The following PKHD1 variants were observed in gnomAD, a reference collection of about 807,000 sequenced individuals.
PKHD1 encodes the protein fibrocystin.
PKHD1 carries 291 observed loss-of-function variants against 412.0 expected under a neutral mutation model. That is an observed-to-expected ratio of 0.71 (90% CI 0.64 to 0.78). The LOEUF (loss-of-function observed/expected upper bound fraction) is 0.78, where lower values mean the gene tolerates loss of function less well. PKHD1 is among the 30% of genes least tolerant of loss of function. The probability of loss-of-function intolerance (pLI) is 0.00; values close to 1 mark genes in which losing one functional copy is unlikely to be tolerated. For synonymous variants in PKHD1, 1,777 were observed against 1,821.5 expected, an observed-to-expected ratio of 0.98 and a Z score of 0.62; for missense variants, 4,825 against 4,950.7, an observed-to-expected ratio of 0.97 and a Z score of 0.76.
At position 52,010,474 on chromosome 6, in the gene PKHD1, G is replaced by A. The variant is rs753261928; in HGVS notation, c.5601-15C>T. On this transcript the variant is annotated splice_polypyrimidine_tract_variant and intron_variant, in intron 34 of 66. Coordinates refer to ENST00000371117, the MANE Select transcript of PKHD1 (RefSeq NM_138694.4). ...CCAATTTAGGGCTGAAACGAGAGGG[G>A]AGGTTAAATGGGGTGTCATCAATCT... 3 of 1,547,638 alleles carry A rather than the reference G, an allele frequency of 1.9e-6. No homozygotes were observed. The highest frequency in any genetic ancestry group is 2.7e-6 in the Non-Finnish European group (3 of 1,119,646).
chr6:51,885,594 T>C (rs1264035651), intron 45 of PKHD1, among the ~76,000 whole-genome samples: 1 of 152,190 alleles, frequency 6.6e-6, no homozygotes, highest in Non-Finnish European at 1.5e-5. Context: ...TATAAATCTT[T>C]ATGATTCTGT....
At position 51,748,341 on chromosome 6, in the gene PKHD1, T is replaced by C. The variant is rs764184365; in HGVS notation, c.9275A>G (p.His3092Arg). 16 of 1,613,994 alleles carry C rather than the reference T, an allele frequency of 9.9e-6. No individual in the cohort carries two copies. Among genetic ancestry groups the C allele is most frequent in the Non-Finnish European group, 1.4e-5 (16 of 1,179,978 alleles). The change falls in exon 58 of 67, where the codon CAT (histidine) becomes CGT (arginine). Residue 3092 changes from histidine (H) to arginine (R), a missense_variant. By Grantham distance (29) the His-to-Arg change is conservative (BLOSUM62 0). Transcript: ENST00000371117. ...KVNQVKDINL[H>R]GNVVAGSERL... is the part of the protein sequence containing the mutation. Reference sequence around the variant, plus strand: ...CTCTGATCCTGCCACAACGTTGCCATGGAGGTTGATGTCCTTTACCTGGTT... The same window carrying C: ...CTCTGATCCTGCCACAACGTTGCCACGGAGGTTGATGTCCTTTACCTGGTT...
rs577962249 is a variant in PKHD1, at chr6:51,618,122, CCT to C, written c.*957_*958del. 6.6e-5 allele frequency: 10 copies of C among 152,258 alleles called. No individual in the cohort carries two copies. The East Asian group carries it at 1.9e-3, about 29-fold the overall frequency. The allele number at this position is 152,258 out of a possible 1,614,324, so 9.4% of individuals were successfully genotyped here. ...ACCAAATGTATCAATACCAGGTGAG[CCT>C]TTGTTCTGATCTCCATTTAAACCCC... On this transcript the variant is annotated 3_prime_UTR_variant, in exon 67 of 67. Coordinates refer to ENST00000371117, the MANE Select transcript of PKHD1 (RefSeq NM_138694.4).
At chr6:52,010,228 A>G in intron 35 of PKHD1, 81 bp downstream of exon 35, 4 of 1,270,228 alleles carry the variant, frequency 3.1e-6, no homozygotes, top group Non-Finnish European at 4.6e-6. Context: ...CATTTGGACT[A>G]AATTGTTTTT....
In PKHD1 at chr6:51,649,150, G is replaced by A. The variant is rs1562020310; in HGVS notation, c.11245C>T (p.Pro3749Ser). The A allele has an allele frequency of 6.2e-7, 1 of 1,611,988 alleles. No individual in the cohort carries two copies. ...RPYALSILVQ[P>S]SDGEVGNELP... ...TCATTTCCCACTTCTCCATCTGAAG[G>A]CTGGACTAGGATGGAAAGTGCATAG... The change falls in exon 62 of 67, where the codon CCT (proline) becomes TCT (serine). Residue 3749 changes from proline (P) to serine (S), a missense_variant. Coordinates refer to ENST00000371117, the MANE Select transcript of PKHD1 (RefSeq NM_138694.4).
Position 52,086,777 on chromosome 6 carries a change from C to T in PKHD1, c.-85+657G>A, listed in dbSNP as rs553831959. ...AGTGGATTCAGCAAGTGTTCCTTTT[C>T]GTTGCAAAATTCCCAAACTTTTACG... is the stretch of plus-strand genomic sequence containing the variant. On this transcript the variant is annotated intron_variant, in intron 1 of 66. Coordinates refer to ENST00000371117, the MANE Select transcript of PKHD1 (RefSeq NM_138694.4). Among the ~76,000 whole-genome samples the T allele has an allele frequency of 2.0e-3, 298 of 152,280 alleles. 2 individuals carry two copies. The highest frequency in any genetic ancestry group is 6.9e-3 in the African/African-American group (285 of 41,552).
At chr6:51,934,389 G>GC in intron 36 of PKHD1, 67 bp from the exon 37 acceptor site, 1 of 955,302 alleles carries the variant, frequency 1.0e-6, no homozygotes, top group Non-Finnish European at 1.7e-6. Context: ...CAGTTTCAAT[G>GC]CCTGATGAAA....
In PKHD1 at chr6:51,734,802, G is replaced by A. The variant is rs568863013; in HGVS notation, c.10156+9583C>T. 2.0e-3 allele frequency among the ~76,000 whole-genome samples: 305 copies of A among 152,148 alleles called. 1 individual carries two copies. The highest frequency in any genetic ancestry group is 7.0e-3 in the African/African-American group (290 of 41,494). On this transcript the variant is annotated intron_variant, in intron 60 of 66. Transcript: ENST00000371117. ...AGTACTATGTTGAATCCACACAAACGAAGTGATGTGTTAGCCATCTTATTA... is the reference window on the plus strand; with the variant it reads ...AGTACTATGTTGAATCCACACAAACAAAGTGATGTGTTAGCCATCTTATTA...
At chr6:51,636,117 A>G (rs1186935637) in intron 64 of PKHD1, among the ~76,000 whole-genome samples, 1 of 152,186 alleles carries the variant, frequency 6.6e-6, no homozygotes, top group African/African-American at 2.4e-5. Flanking sequence ...GGATTTGATA[A>G]TATGTCAGAC....
intron 21 of PKHD1, among the ~76,000 whole-genome samples, chr6:52,051,733 CT>C (rs1806872614): frequency 1.3e-5 from 2 of 152,192 alleles, no homozygotes. Flanking sequence ...TTATCCAGTC[CT>C]GAGTTTTCCA....
intron 60 of PKHD1, among the ~76,000 whole-genome samples, chr6:51,664,284 T>C (rs1302885467): frequency 1.3e-5 from 2 of 152,038 alleles, no homozygotes; most frequent in African/African-American, 4.8e-5. Context: ...AAAAAGAATA[T>C]GACAAACTAC....
chr6:51,926,143 G>A (rs1254544917), intron 37 of PKHD1, among the ~76,000 whole-genome samples: 1 of 152,122 alleles, frequency 6.6e-6, no homozygotes, highest in Non-Finnish European at 1.5e-5. Flanking sequence ...CGGTGATGGG[G>A]AAATGTTGAA....
intron 50 of PKHD1, among the ~76,000 whole-genome samples, chr6:51,847,260 A>ATTTTTT (rs981973021): frequency 2.0e-5 from 2 of 100,008 alleles, no homozygotes; most frequent in Non-Finnish European, 2.0e-5. Context: ...CATGCCCAGC[A>ATTTTTT]TTTTTTTTTT....
At chr6:51,704,031 T>G (rs1281191284) in intron 60 of PKHD1, among the ~76,000 whole-genome samples, 1 of 152,040 alleles carries the variant, frequency 6.6e-6, no homozygotes, top group Non-Finnish European at 1.5e-5. Context: ...ATGCCAATAC[T>G]GACAGGAGGC....
At chr6:51,637,244 T>A (rs1242435635) in intron 64 of PKHD1, among the ~76,000 whole-genome samples, 2 of 152,218 alleles carry the variant, frequency 1.3e-5, no homozygotes, top group Non-Finnish European at 2.9e-5. Flanking sequence ...CATTCCTGCC[T>A]GTCTTACCCT....
Position 51,772,779 on chromosome 6 carries a change from C to T in PKHD1, c.8565G>A (p.Gly2855=). Residue 2855 remains glycine, a synonymous_variant, in exon 55 of 67, where the codon GGG becomes GGA. Transcript: ENST00000371117. ...GATAAGCACTGTAAAGATGAACTTT[C>T]CCATAAACCCCTGAAAATAAAAGGA... ...HIDPGTIGVY[G]KVHLYSAYPK... 1 of 1,566,636 alleles carries T rather than the reference C, an allele frequency of 6.4e-7. No individual in the cohort carries two copies. The highest frequency in any genetic ancestry group is 8.8e-7 in the Non-Finnish European group (1 of 1,137,440).
intron 51 of PKHD1, among the ~76,000 whole-genome samples, chr6:51,833,690 C>T (rs1438155996): frequency 6.6e-6 from 1 of 152,074 alleles, no homozygotes; most frequent in African/African-American, 2.4e-5. Context: ...GCAATCAAGG[C>T]ATGGGTGATC....
At chr6:51,680,366 T>C (rs190612637) in intron 60 of PKHD1, among the ~76,000 whole-genome samples, 3 of 152,142 alleles carry the variant, frequency 2.0e-5, no homozygotes, top group African/African-American at 4.8e-5. Flanking sequence ...TTTTTTCTTA[T>C]ATGAAGGTTA....
In PKHD1 at chr6:52,013,936, C is replaced by T. The variant is rs73433739; in HGVS notation, c.5600+3474G>A. Among the ~76,000 whole-genome samples the T allele has an allele frequency of 7.9e-3, 1,199 of 152,302 alleles. 18 individuals carry two copies. Among genetic ancestry groups the T allele is most frequent in the African/African-American group, 0.028 (1,148 of 41,552 alleles). On this transcript the variant is annotated intron_variant, in intron 34 of 66. Coordinates refer to ENST00000371117, the MANE Select transcript of PKHD1 (RefSeq NM_138694.4). ...CCTCACTGAACCCACAAAGCTCAGC[C>T]AGGGCTCTCACACTGAAGCTGCCAG...
Sources: allele counts gnomAD v4.1 joint callset (sites outside exome capture counted in the v4.1 genomes callset), GRCh38; gene constraint gnomAD v4.1.1; transcripts MANE v1.5; gene names NCBI Gene and HGNC (gene_info 2026-07-23, HGNC 2026-07-21).